Variants in FAM53B observed in about 807,000 individuals in gnomAD.
FAM53B encodes the protein protein FAM53B.
FAM53B carries 12 observed loss-of-function variants against 32.7 expected under a neutral mutation model. The observed-to-expected ratio is 0.37, with a 90% CI of 0.24 to 0.59. The LOEUF (loss-of-function observed/expected upper bound fraction) is 0.59, where lower values mean the gene tolerates loss of function less well. Ranked by LOEUF, FAM53B falls within the 20% of genes least tolerant of loss-of-function variation. FAM53B has a pLI of 0.72. For missense variants in FAM53B, 477 were observed against 577.7 expected (o/e 0.83, Z 1.79); for synonymous variants, 234 against 228.7 (o/e 1.02, Z -0.21).
chr10:124,719,477 T>C (rs1950055989), intron 1 of FAM53B, among the ~76,000 whole-genome samples: 1 of 152,314 alleles, frequency 6.6e-6, no homozygotes, highest in Middle Eastern at 3.4e-3. Context: ...GTCAAAAGAC[T>C]CTGGAAGAGT....
At chr10:124,711,084 T>C (rs1949999208) in intron 1 of FAM53B, among the ~76,000 whole-genome samples, 1 of 152,086 alleles carries the variant, frequency 6.6e-6, no homozygotes, top group African/African-American at 2.4e-5. Context: ...GGGTGAACAA[T>C]TAGACAAAAT....
intron 4 of FAM53B, among the ~76,000 whole-genome samples, chr10:124,647,064 A>G (rs142589268): frequency 7.9e-5 from 12 of 152,260 alleles, no homozygotes; most frequent in Non-Finnish European, 1.6e-4. Context: ...CCCAAACTCA[A>G]TGAAGAGGCA....
chr10:124,625,192 G>C, intron 4 of FAM53B, among the ~76,000 whole-genome samples: 1 of 152,246 alleles, frequency 6.6e-6, no homozygotes, highest in East Asian at 1.9e-4. Context: ...GGAAATAAAA[G>C]GCGCTCTCTC....
intron 1 of FAM53B, among the ~76,000 whole-genome samples, chr10:124,711,211 TC>T (rs1279572231): frequency 7.2e-5 from 11 of 152,088 alleles, no homozygotes; most frequent in Non-Finnish European, 1.6e-4. Context: ...AAAGAGCCAG[TC>T]CCCAAAGGCT....
intron 1 of FAM53B, among the ~76,000 whole-genome samples, chr10:124,711,440 T>C (rs562291398): frequency 6.6e-6 from 1 of 152,198 alleles, no homozygotes; most frequent in East Asian, 1.9e-4. Flanking sequence ...GCTGCATTAG[T>C]TTGGTAGGAT....
intron 4 of FAM53B, among the ~76,000 whole-genome samples, chr10:124,671,001 G>A (rs940524664): frequency 2.0e-5 from 3 of 152,314 alleles, no homozygotes; most frequent in South Asian, 2.1e-4. Flanking sequence ...ACGGAGCTGC[G>A]ATGCGCGCTA....
At chr10:124,708,631 A>C (rs1219680136) in intron 1 of FAM53B, among the ~76,000 whole-genome samples, 1 of 152,272 alleles carries the variant, frequency 6.6e-6, no homozygotes, top group Non-Finnish European at 1.5e-5. Context: ...GGCTTAGCTC[A>C]GGAGCAGGCC....
chr10:124,717,140 G>A (rs968516560), intron 1 of FAM53B, among the ~76,000 whole-genome samples: 2 of 152,210 alleles, frequency 1.3e-5, no homozygotes, highest in Non-Finnish European at 2.9e-5. Context: ...GGGCTTGACA[G>A]TGCCACTTAC....
intron 1 of FAM53B, among the ~76,000 whole-genome samples, chr10:124,721,396 G>T (rs1950067678): frequency 6.6e-6 from 1 of 152,248 alleles, no homozygotes; most frequent in African/African-American, 2.4e-5. Flanking sequence ...AGTGCCGGAG[G>T]TGGCATCCAC....
At chr10:124,722,572 G>A (rs1950075966) in intron 1 of FAM53B, among the ~76,000 whole-genome samples, 1 of 152,212 alleles carries the variant, frequency 6.6e-6, no homozygotes, top group Non-Finnish European at 1.5e-5. Flanking sequence ...ACAGAGATGA[G>A]AGAAGACTCT....
intron 4 of FAM53B, among the ~76,000 whole-genome samples, chr10:124,670,330 C>G (rs1185097217): frequency 6.6e-6 from 1 of 152,160 alleles, no homozygotes; most frequent in Admixed American, 6.5e-5. Context: ...CGGTCGAACC[C>G]CCAAGGTGGA....
At chr10:124,664,630 G>T (rs1949657091) in intron 4 of FAM53B, among the ~76,000 whole-genome samples, 2 of 152,180 alleles carry the variant, frequency 1.3e-5, no homozygotes, top group Non-Finnish European at 1.5e-5. Context: ...GACGGCAAAA[G>T]ACAGGACCTG....
intron 4 of FAM53B, among the ~76,000 whole-genome samples, chr10:124,639,681 C>T (rs541103818): frequency 1.3e-5 from 2 of 152,194 alleles, no homozygotes; most frequent in Admixed American, 6.5e-5. Flanking sequence ...CTTTTCCCCC[C>T]CTTTCTATAT....
chr10:124,699,494 C>T (rs1949899399), intron 2 of FAM53B, among the ~76,000 whole-genome samples: 1 of 152,236 alleles, frequency 6.6e-6, no homozygotes, highest in Non-Finnish European at 1.5e-5. Context: ...TAAGGGTTCC[C>T]ATGAACCAGC....
intron 4 of FAM53B, among the ~76,000 whole-genome samples, chr10:124,669,586 G>T (rs1949694370): frequency 6.6e-6 from 1 of 152,214 alleles, no homozygotes; most frequent in South Asian, 2.1e-4. Flanking sequence ...CAAAGGCTGG[G>T]AGCAGCCCCA....
At chr10:124,650,779 C>G (rs1194842469) in intron 4 of FAM53B, among the ~76,000 whole-genome samples, 2 of 152,104 alleles carry the variant, frequency 1.3e-5, no homozygotes, top group East Asian at 3.8e-4. Flanking sequence ...TGTCCCCAGC[C>G]CTGCTAGGAG....
At chr10:124,738,679 T>C (rs1214347567) in intron 1 of FAM53B, among the ~76,000 whole-genome samples, 2 of 151,954 alleles carry the variant, frequency 1.3e-5, no homozygotes, top group African/African-American at 2.4e-5. Flanking sequence ...CTGGAGGATA[T>C]ACAATTGTGT....
At chr10:124,706,528 G>C in intron 2 of FAM53B, 108 bp downstream of exon 2, 1 of 1,399,716 alleles carries the variant, frequency 7.1e-7, no homozygotes, top group South Asian at 1.2e-5. Context: ...TTTGCTCTTG[G>C]GGACTCTGGA....
intron 1 of FAM53B, among the ~76,000 whole-genome samples, chr10:124,715,626 C>G (rs556956235): frequency 3.9e-5 from 6 of 152,352 alleles, no homozygotes; most frequent in African/African-American, 1.4e-4. Context: ...CAGCACAGAG[C>G]CTGCCCACGG....
Sources: gnomAD v4.1 joint callset for allele counts (sites outside exome capture counted in the v4.1 genomes callset) on GRCh38, gnomAD v4.1.1 for gene constraint, MANE v1.5 for transcripts, NCBI Gene and HGNC (gene_info 2026-07-23, HGNC 2026-07-21) for gene names.